TULP4: variants seen among roughly 807,000 people sequenced by gnomAD.
TULP4 encodes the protein tubby-related protein 4.
In TULP4, 16 loss-of-function variants were observed where a neutral mutation model predicts 129.0. That is an observed-to-expected ratio of 0.12 (90% CI 0.08 to 0.19). The LOEUF (loss-of-function observed/expected upper bound fraction) is 0.19. TULP4 is among the 10% of genes least tolerant of loss of function. The probability of loss-of-function intolerance (pLI) is 1.00; values close to 1 mark genes in which losing one functional copy is unlikely to be tolerated. For missense variants in TULP4, 1,842 were observed against 2,059.1 expected, an observed-to-expected ratio of 0.89 and a Z score of 2.04; for synonymous variants, 998 against 854.0, an observed-to-expected ratio of 1.17 and a Z score of -2.94.
chr6:158,350,209 G>A (rs1310407838), intron 1 of TULP4, among the ~76,000 whole-genome samples: 2 of 151,514 alleles, frequency 1.3e-5, no homozygotes, highest in African/African-American at 2.4e-5. Flanking sequence ...TAGACAGGGT[G>A]GGGGCCAGGC....
chr6:158,337,720 G>A (rs1208305423), intron 1 of TULP4, among the ~76,000 whole-genome samples: 1 of 151,626 alleles, frequency 6.6e-6, no homozygotes, highest in Non-Finnish European at 1.5e-5. Context: ...CCAATCAATC[G>A]ACTTATCTGA....
intron 4 of TULP4, among the ~76,000 whole-genome samples, chr6:158,450,696 T>A (rs538163933): frequency 6.6e-6 from 1 of 151,974 alleles, no homozygotes; most frequent in Non-Finnish European, 1.5e-5. Flanking sequence ...CAGCATACTC[T>A]TAGAACTCCT....
intron 8 of TULP4, among the ~76,000 whole-genome samples, chr6:158,488,233 G>A (rs1780115235): frequency 6.6e-6 from 1 of 152,134 alleles, no homozygotes; most frequent in Non-Finnish European, 1.5e-5. Flanking sequence ...TCCTCAAGTC[G>A]AATCACACAC....
intron 9 of TULP4, among the ~76,000 whole-genome samples, chr6:158,490,066 TG>T (rs1780165813): frequency 6.6e-6 from 1 of 152,186 alleles, no homozygotes; most frequent in Admixed American, 6.5e-5. Context: ...GGTTCCCCTG[TG>T]GATGTAACAT....
At chr6:158,329,734 A>G (rs929749191) in intron 1 of TULP4, among the ~76,000 whole-genome samples, 6 of 152,126 alleles carry the variant, frequency 3.9e-5, no homozygotes, top group Non-Finnish European at 8.8e-5. Flanking sequence ...TTTGTGACTA[A>G]TTAGGGAATC....
chr6:158,252,161 AGGTGTATAAGTATTTTTCATGGTT>A (rs1410904271), intron 1 of TULP4, among the ~76,000 whole-genome samples: 2 of 152,142 alleles, frequency 1.3e-5, no homozygotes, highest in African/African-American at 4.8e-5. Flanking sequence ...GTTACCTCTT[AGGTGTATAAGTATTTTTCATGGTT>A]GGTTGCCTTG....
chr6:158,237,180 T>G (rs1352771225), intron 1 of TULP4, among the ~76,000 whole-genome samples: 1 of 152,166 alleles, frequency 6.6e-6, no homozygotes, highest in Non-Finnish European at 1.5e-5. Flanking sequence ...AGGCAGACTT[T>G]GAGGAAGATG....
intron 8 of TULP4, among the ~76,000 whole-genome samples, chr6:158,489,078 C>T (rs1780135412): frequency 6.6e-6 from 1 of 152,212 alleles, no homozygotes; most frequent in African/African-American, 2.4e-5. Flanking sequence ...CGCCGCAAGA[C>T]CTGTGGCAAT....
chr6:158,485,293 T>C (rs1209451456), intron 8 of TULP4, among the ~76,000 whole-genome samples: 1 of 152,188 alleles, frequency 6.6e-6, no homozygotes, highest in Non-Finnish European at 1.5e-5. Context: ...ATTGTTAAGA[T>C]AAAAGATGAA....
At chr6:158,232,354 G>T (rs891990986) in intron 1 of TULP4, 1 of 148,562 alleles carries the variant, frequency 6.7e-6, no homozygotes, top group Non-Finnish European at 1.5e-5. Flanking sequence ...GCGGGAGGGG[G>T]CGCCGGCCCG....
intron 5 of TULP4, among the ~76,000 whole-genome samples, chr6:158,457,287 G>A (rs531627133): frequency 2.6e-5 from 4 of 152,258 alleles, no homozygotes; most frequent in Middle Eastern, 3.4e-3. Flanking sequence ...TGGAATTTAC[G>A]ACCTGTGCAA....
chr6:158,364,233 A>T (rs1780869242), intron 1 of TULP4, among the ~76,000 whole-genome samples: 2 of 152,228 alleles, frequency 1.3e-5, no homozygotes, highest in Admixed American at 1.3e-4. Context: ...TAGAAGTTAA[A>T]ATATGGAAGT....
chr6:158,392,224 A>T (rs1672806777), intron 1 of TULP4, among the ~76,000 whole-genome samples: 1 of 152,140 alleles, frequency 6.6e-6, no homozygotes, highest in Non-Finnish European at 1.5e-5. Flanking sequence ...AAACCATCAG[A>T]TCTCATGAGA....
At chr6:158,246,289 C>G (rs985973855) in intron 1 of TULP4, among the ~76,000 whole-genome samples, 4 of 151,878 alleles carry the variant, frequency 2.6e-5, no homozygotes, top group Non-Finnish European at 5.9e-5. Flanking sequence ...ATTACGAGGT[C>G]AGGAGATCGA....
upstream of TULP4, among the ~76,000 whole-genome samples, chr6:158,279,863 T>A (rs1461042764): frequency 6.6e-6 from 1 of 152,216 alleles, no homozygotes; most frequent in Non-Finnish European, 1.5e-5. Flanking sequence ...GAATTCAGCA[T>A]GTGAACCTCT....
chr6:158,237,411 C>G, intron 1 of TULP4: 2 of 1,607,746 alleles, frequency 1.2e-6, no homozygotes, highest in Admixed American at 1.7e-5. Flanking sequence ...CTGCAGGTCT[C>G]TGGTGTCTTG....
intron 4 of TULP4, 126 bp downstream of exon 4, chr6:158,449,302 G>T: frequency 1.0e-6 from 1 of 987,714 alleles, no homozygotes; most frequent in Non-Finnish European, 1.4e-6. Flanking sequence ...GGGCTTCCTG[G>T]GAAGAGTTAT....
intron 1 of TULP4, chr6:158,237,756 TGTAGCA>T: frequency 1.2e-6 from 1 of 810,184 alleles, no homozygotes; most frequent in Non-Finnish European, 2.2e-6. Context: ...TCCAAATGTA[TGTAGCA>T]CCAGGAGAAT....
At chr6:158,285,905 G>C (rs1189003905) in intron 1 of TULP4, among the ~76,000 whole-genome samples, 1 of 152,178 alleles carries the variant, frequency 6.6e-6, no homozygotes, top group Non-Finnish European at 1.5e-5. Context: ...CCAGGGCTCT[G>C]TTCGGTTGCT....
Sources: allele counts gnomAD v4.1 joint callset (sites outside exome capture counted in the v4.1 genomes callset), GRCh38; gene constraint gnomAD v4.1.1; transcripts MANE v1.5; gene names NCBI Gene and HGNC (gene_info 2026-07-23, HGNC 2026-07-21).